The following ADAMTS3 variants were observed in gnomAD, a reference collection of about 807,000 sequenced individuals.
ADAMTS3 encodes ADAM metallopeptidase with thrombospondin type 1 motif 3.
In ADAMTS3, 73 loss-of-function variants were observed where a neutral mutation model predicts 129.0. The observed-to-expected ratio is 0.57, with a 90% CI of 0.47 to 0.69. The LOEUF is 0.69. Among genes scored for constraint, ADAMTS3 ranks in the 30% least tolerant of loss-of-function variants. The probability of loss-of-function intolerance (pLI) is 0.00; values close to 1 mark genes in which losing one functional copy is unlikely to be tolerated. For missense variants in ADAMTS3, 1,457 were observed against 1,514.5 expected, an observed-to-expected ratio of 0.96 and a Z score of 0.63; for synonymous variants, 477 against 510.8, an observed-to-expected ratio of 0.93 and a Z score of 0.89.
chr4:72,451,187 C>T (rs1363699718), intron 3 of ADAMTS3, among the ~76,000 whole-genome samples: 1 of 151,684 alleles, frequency 6.6e-6, no homozygotes, highest in Non-Finnish European at 1.5e-5. Flanking sequence ...GGCCAGGTAT[C>T]TAAAACAGGA....
At chr4:72,463,011 T>A (rs1309374441) in intron 3 of ADAMTS3, among the ~76,000 whole-genome samples, 1 of 151,954 alleles carries the variant, frequency 6.6e-6, no homozygotes, top group Non-Finnish European at 1.5e-5. Context: ...CAGAGCAACT[T>A]CCAGTCCTGA....
chr4:72,455,819 CATATAGTATATACAGTGT>C (rs1195020231), intron 3 of ADAMTS3, among the ~76,000 whole-genome samples: 1 of 83,992 alleles, frequency 1.2e-5, no homozygotes, highest in Non-Finnish European at 2.3e-5. Context: ...ATATATTTTA[CATATAGTATATACAGTGT>C]ATATACTATA....
chr4:72,348,169 C>A (rs78146395), intron 4 of ADAMTS3, among the ~76,000 whole-genome samples: 1 of 151,874 alleles, frequency 6.6e-6, no homozygotes, highest in Non-Finnish European at 1.5e-5. Context: ...CAGCAATGGA[C>A]GAGACAAACA....
chr4:72,434,276 C>A (rs1027051774), intron 3 of ADAMTS3, among the ~76,000 whole-genome samples: 1 of 151,796 alleles, frequency 6.6e-6, no homozygotes, highest in Non-Finnish European at 1.5e-5. Flanking sequence ...ATTTAAAATT[C>A]ATTTGCTCAT....
intron 4 of ADAMTS3, among the ~76,000 whole-genome samples, chr4:72,344,991 T>C (rs1012825531): frequency 4.6e-5 from 7 of 152,134 alleles, no homozygotes; most frequent in Non-Finnish European, 8.8e-5. Context: ...TCAGAAATTT[T>C]AATTTTGTTG....
chr4:72,517,815 G>GT (rs1482975740), intron 3 of ADAMTS3, among the ~76,000 whole-genome samples: 2 of 151,450 alleles, frequency 1.3e-5, no homozygotes, highest in Non-Finnish European at 1.5e-5. Context: ...TTTTTGAAGG[G>GT]TTTTTTGTGT....
chr4:72,291,878 G>C lies in ADAMTS3; in HGVS notation c.2724-816C>G, dbSNP rs547298964. Among the ~76,000 whole-genome samples, 7 of 152,292 alleles carry C rather than the reference G, an allele frequency of 4.6e-5. No homozygotes were observed. The South Asian group carries it at 1.0e-3, about 23-fold the overall frequency. On this transcript the variant is annotated intron_variant, in intron 19 of 21. Transcript: ENST00000286657. ...TTACAGTCCCACCAACGGTGTAAAA[G>C]TTTTCCTATTTCTCAAATAGGATGT...
intron 21 of ADAMTS3, among the ~76,000 whole-genome samples, chr4:72,286,241 TA>T (rs1718502833): frequency 6.6e-6 from 1 of 152,248 alleles, no homozygotes; most frequent in Admixed American, 6.5e-5. Flanking sequence ...AAAGCTTACT[TA>T]CAAAGTGGCA....
Position 72,283,163 on chromosome 4 carries a change from C to T in ADAMTS3, c.3591G>A (p.Pro1197=), listed in dbSNP as rs756211388. The change falls in exon 22 of 22, where the codon CCG becomes CCA. Residue 1197 remains proline (P), a synonymous_variant. Coordinates refer to ENST00000286657, the MANE Select transcript of ADAMTS3 (RefSeq NM_014243.3). ...KDGKIIDNRR[P]TRSSTLER is the part of the protein sequence containing the mutation. ...ATCTTTCTAAGGTGGATGATCTTGT[C>T]GGACGTCTGTTGTCAATGATCTTTC... 25 of 1,610,584 alleles carry T rather than the reference C, an allele frequency of 1.6e-5. No homozygotes were observed. Among genetic ancestry groups the T allele is most frequent in the Admixed American group, 1.0e-4 (6 of 59,658 alleles).
At chr4:72,402,957 T>C (rs996798595) in intron 4 of ADAMTS3, among the ~76,000 whole-genome samples, 2 of 152,108 alleles carry the variant, frequency 1.3e-5, no homozygotes, top group Non-Finnish European at 2.9e-5. Context: ...TTAGTCCCTA[T>C]ACCTGGAAAT....
chr4:72,309,579 C>T (rs1719177252), intron 14 of ADAMTS3, 59 bp from the exon 15 acceptor site: 3 of 1,576,000 alleles, frequency 1.9e-6, no homozygotes, highest in Non-Finnish European at 2.6e-6. Context: ...TGGTCAACAT[C>T]CCAGAGAATG....
intron 3 of ADAMTS3, among the ~76,000 whole-genome samples, chr4:72,515,816 G>A (rs1720456084): frequency 1.3e-5 from 2 of 151,954 alleles, no homozygotes; most frequent in South Asian, 2.1e-4. Flanking sequence ...AGTTTCTTTT[G>A]CTGTGCAGAA....
At chr4:72,467,281 T>A (rs983360082) in intron 3 of ADAMTS3, among the ~76,000 whole-genome samples, 2 of 152,022 alleles carry the variant, frequency 1.3e-5, no homozygotes, top group African/African-American at 4.8e-5. Flanking sequence ...AGCCCCAAAA[T>A]CTGCTGATCA....
intron 3 of ADAMTS3, among the ~76,000 whole-genome samples, chr4:72,476,323 T>C (rs1560530450): frequency 1.3e-5 from 2 of 151,966 alleles, no homozygotes; most frequent in Non-Finnish European, 2.9e-5. Flanking sequence ...AGAATAATGA[T>C]AGAATGCAAT....
Position 72,306,878 on chromosome 4 carries a change from T to C in ADAMTS3, c.2180-811A>G, listed in dbSNP as rs183701523. Among the ~76,000 whole-genome samples, 187 of 152,050 alleles carry C rather than the reference T, an allele frequency of 1.2e-3. 2 individuals are homozygous for C. The highest frequency in any genetic ancestry group is 4.3e-3 in the African/African-American group (178 of 41,530). On this transcript the variant is annotated intron_variant, in intron 15 of 21. Coordinates refer to ENST00000286657, the MANE Select transcript of ADAMTS3 (RefSeq NM_014243.3). ...TATATCACATACTATGTTGATACTA[T>C]CACATGTCCTAAAAATTATCTTACA...
In ADAMTS3 at chr4:72,312,449, T is replaced by C; in HGVS notation, c.1763A>G (p.Gln588Arg). The C allele has an allele frequency of 7.4e-6, 12 of 1,613,440 alleles. No individual in the cohort carries two copies. The highest frequency in any genetic ancestry group is 1.0e-5 in the Non-Finnish European group (12 of 1,179,600). ...CNNPMPINGG[Q>R]DCPGVNFEYQ... ...CTCAAAATTAACACCAGGACAATCC[T>C]GACCACCATTGATGGGCCTAAAGAA... The change falls in exon 13 of 22, where the codon CAG (glutamine) becomes CGG (arginine). Residue 588 changes from glutamine (Q) to arginine (R), a missense_variant. Transcript: ENST00000286657.
intron 4 of ADAMTS3, among the ~76,000 whole-genome samples, chr4:72,380,009 T>C (rs1416360719): frequency 2.0e-5 from 3 of 152,126 alleles, no homozygotes; most frequent in East Asian, 1.9e-4. Context: ...ATAAGCAACA[T>C]ACCTTGTTGC....
intron 17 of ADAMTS3, among the ~76,000 whole-genome samples, chr4:72,303,595 A>G (rs959552999): frequency 2.6e-5 from 4 of 152,062 alleles, no homozygotes; most frequent in African/African-American, 9.7e-5. Context: ...CAGATGTACA[A>G]AGTAGAATGA....
intron 4 of ADAMTS3, among the ~76,000 whole-genome samples, chr4:72,374,165 T>A (rs1019992622): frequency 3.3e-5 from 5 of 152,016 alleles, no homozygotes; most frequent in African/African-American, 1.2e-4. Flanking sequence ...TTTAGCAACA[T>A]AAAAAAGTAC....
Sources: gnomAD v4.1 joint callset for allele counts (sites outside exome capture counted in the v4.1 genomes callset) on GRCh38, gnomAD v4.1.1 for gene constraint, MANE v1.5 for transcripts, NCBI Gene and HGNC (gene_info 2026-07-23, HGNC 2026-07-21) for gene names.